The following HSBP1L1 variants were observed in gnomAD, a reference collection of about 807,000 sequenced individuals.
HSBP1L1 encodes the protein heat shock factor-binding protein 1-like protein 1.
A neutral mutation model predicts 9.7 loss-of-function variants in HSBP1L1; 8 were observed. That is an observed-to-expected ratio of 0.82 (90% CI 0.48 to 1.48). The LOEUF is 1.48. Among genes scored for constraint, HSBP1L1 ranks in the 40% most tolerant of loss-of-function variants. The pLI is 0.00. For synonymous variants in HSBP1L1, 39 were observed against 34.4 expected (o/e 1.13, Z -0.46); for missense variants, 106 against 95.8 (o/e 1.11, Z -0.44).
chr18:79,969,676 T>C (rs1237643786), intron 3 of HSBP1L1, among the ~76,000 whole-genome samples: 1 of 152,186 alleles, frequency 6.6e-6, no homozygotes, highest in Non-Finnish European at 1.5e-5. Context: ...CACACTGGCA[T>C]CATAACCTTC....
chr18:79,966,237 CATG>C (rs967632532), intron 1 of HSBP1L1, among the ~76,000 whole-genome samples: 71 of 151,886 alleles, frequency 4.7e-4, no homozygotes, highest in African/African-American at 1.6e-3. Context: ...GGCCTTATCC[CATG>C]ATATTTAAAA....
chr18:79,969,391 G>GAA (rs755308930), intron 3 of HSBP1L1, among the ~76,000 whole-genome samples: 3 of 92,970 alleles, frequency 3.2e-5, no homozygotes, highest in African/African-American at 8.2e-5. Context: ...AAGAAAGAAA[G>GAA]AAAAAAAAAC....
intron 1 of HSBP1L1, among the ~76,000 whole-genome samples, chr18:79,965,558 T>G (rs2051252629): frequency 2.0e-5 from 3 of 152,114 alleles, no homozygotes; most frequent in Admixed American, 2.0e-4. Flanking sequence ...CCGTGAATGG[T>G]GTGGGACGTC....
chr18:79,968,715 C>T (rs76978304), intron 3 of HSBP1L1, among the ~76,000 whole-genome samples: 16,841 of 151,920 alleles, frequency 0.11, 1,155 homozygotes, highest in East Asian at 0.27. Context: ...GTGATCCACC[C>T]GCCTCGGCCT....
chr18:79,969,392 A>AAAG (rs1555716377), intron 3 of HSBP1L1, among the ~76,000 whole-genome samples: 3 of 70,386 alleles, frequency 4.3e-5, no homozygotes, highest in Non-Finnish European at 9.3e-5. Context: ...AGAAAGAAAG[A>AAAG]AAAAAAAACG....
chr18:79,970,598 C>T lies in HSBP1L1; in HGVS notation c.*147C>T, dbSNP rs558429060. 5.5e-4 allele frequency: 350 copies of T among 636,084 alleles called. No individual in the cohort carries two copies. Among genetic ancestry groups the T allele is most frequent in the African/African-American group, 5.5e-3 (302 of 55,180 alleles). 39.4% of individuals were successfully genotyped at this position (636,084 alleles called of 1,614,324 possible). A position where few individuals can be genotyped will look rare whatever the true frequency, so the allele number is the denominator to read the frequency against. On this transcript the variant is annotated 3_prime_UTR_variant, in exon 4 of 4. Transcript: ENST00000451882. Reference sequence around the variant, plus strand: ...GCCTGCTCTCCCCTCCGTGCCTGCACCAGAGAAGGAGGCCATCGGCAAGCC... The same window carrying T: ...GCCTGCTCTCCCCTCCGTGCCTGCATCAGAGAAGGAGGCCATCGGCAAGCC...
rs900517063 is a variant in HSBP1L1 at position 79,964,785 on chromosome 18, CGGT to C, written c.51+1_51+3del. On this transcript the variant is annotated splice_donor_variant and coding_sequence_variant, in exon 1 of 4. Transcript: ENST00000451882. LOFTEE classifies it high-confidence loss of function. ...CCCGGCGGGCGCGCGCTGCGGGACG[CGGT>C]GAGCCCCTCCCCGACTCCTGCTTCT... 5 of 1,396,766 alleles carry C rather than the reference CGGT, an allele frequency of 3.6e-6. No individual in the cohort carries two copies. The African/African-American group carries it at 6.1e-5, about 17-fold the overall frequency. The allele number at this position is 1,396,766 out of a possible 1,614,324, so 86.5% of individuals were successfully genotyped here.
In HSBP1L1 at chr18:79,969,609, C is replaced by T. The variant is rs370606621; in HGVS notation, c.214-831C>T. 3.0e-4 allele frequency among the ~76,000 whole-genome samples: 46 copies of T among 152,296 alleles called. 1 individual carries two copies. The South Asian group carries it at 5.0e-3, about 16-fold the overall frequency. ...GACTGAAGTCCTCATCCCTTCTCTG[C>T]GTGCGCTCAGAGCAGAGGCAGTCTT... On this transcript the variant is annotated intron_variant, in intron 3 of 3. Coordinates refer to ENST00000451882, the MANE Select transcript of HSBP1L1 (RefSeq NM_001136180.2).
chr18:79,969,489 G>GA (rs1170805701), intron 3 of HSBP1L1, among the ~76,000 whole-genome samples: 1 of 152,224 alleles, frequency 6.6e-6, no homozygotes, highest in African/African-American at 2.4e-5. Flanking sequence ...CTCCAGGTCA[G>GA]AAAGCTGGTG....
chr18:79,967,516 A>AT (rs1228139573), intron 2 of HSBP1L1: 2 of 152,288 alleles, frequency 1.3e-5, no homozygotes, highest in African/African-American at 4.8e-5. Flanking sequence ...ACAATTAAAT[A>AT]TATTCCTTAA....
At position 79,970,736 on chromosome 18, in the gene HSBP1L1, TTTTGTTATGGCAG is replaced by T. The variant is rs2051292612; in HGVS notation, c.*287_*299del. On this transcript the variant is annotated 3_prime_UTR_variant, in exon 4 of 4. Transcript: ENST00000451882. ...TGTTTAAACCACCCAATCTGAAGTA[TTTTGTTATGGCAG>T]TCCTGGGCAGACTAATACAATATGC... The T allele has an allele frequency of 2.3e-6, 1 of 431,556 alleles. No individual in the cohort carries two copies. The highest frequency in any genetic ancestry group is 4.3e-6 in the Non-Finnish European group (1 of 235,128). 26.7% of individuals were successfully genotyped at this position (431,556 alleles called of 1,614,324 possible).
chr18:79,968,015 GTC>G (rs2051266078), intron 2 of HSBP1L1, 72 bp from the exon 3 acceptor site: 1 of 830,808 alleles, frequency 1.2e-6, no homozygotes, highest in African/African-American at 1.7e-5. Context: ...GGGAGGCGGA[GTC>G]TCTGAGGACA....
intron 3 of HSBP1L1, chr18:79,970,214 G>A: frequency 2.1e-6 from 1 of 483,762 alleles, no homozygotes; most frequent in Non-Finnish European, 3.8e-6. Flanking sequence ...TACCTGGTAA[G>A]TGGTTGTAAG....
intron 3 of HSBP1L1, among the ~76,000 whole-genome samples, chr18:79,968,516 G>C (rs1017141184): frequency 6.6e-6 from 1 of 152,134 alleles, no homozygotes; most frequent in African/African-American, 2.4e-5. Flanking sequence ...AGTACAGACG[G>C]GGTTTCACTA....
intron 3 of HSBP1L1, among the ~76,000 whole-genome samples, chr18:79,969,351 G>GAAAGAA (rs2051280012): frequency 4.3e-5 from 2 of 46,552 alleles, no homozygotes; most frequent in African/African-American, 6.1e-5. Flanking sequence ...AAGAAAGAAA[G>GAAAGAA]AAAGAAAGAA....
At chr18:79,970,386 A>G (rs1305031154) in intron 3 of HSBP1L1, 54 bp from the exon 4 acceptor site, 12 of 718,292 alleles carry the variant, frequency 1.7e-5, no homozygotes. Flanking sequence ...GGGTGAACAT[A>G]CTTAATACAC....
rs150885188 is a variant in HSBP1L1 at position 79,968,046 on chromosome 18, G to A, written c.119-43G>A. 3.6e-4 allele frequency: 459 copies of A among 1,274,918 alleles called. 2 individuals are homozygous for A. The African/African-American group carries it at 5.6e-3, about 16-fold the overall frequency. The allele number at this position is 1,274,918 out of a possible 1,614,324, so 79.0% of individuals were successfully genotyped here. A position where few individuals can be genotyped will look rare whatever the true frequency, so the allele number is the denominator to read the frequency against. On this transcript the variant is annotated intron_variant, in intron 2 of 3. Coordinates refer to ENST00000451882, the MANE Select transcript of HSBP1L1 (RefSeq NM_001136180.2). ...GAGGACATCCTGGCTGTGCCTCGGCGGCTCTGGACTCCAGCTCTACGCAGA... is the reference window on the plus strand; with the variant it reads ...GAGGACATCCTGGCTGTGCCTCGGCAGCTCTGGACTCCAGCTCTACGCAGA...
chr18:79,970,113 C>T lies in HSBP1L1; in HGVS notation c.214-327C>T, dbSNP rs538021477. The T allele has an allele frequency of 7.7e-4, 204 of 263,562 alleles. 2 individuals carry two copies. In the South Asian group the frequency reaches 0.011, roughly 15 times the overall value. The allele number at this position is 263,562 out of a possible 1,614,324, so 16.3% of individuals were successfully genotyped here. Reference sequence around the variant, plus strand: ...CCACAGACGAGGCAAGGCTTGGCAGCCATGCAGGCCTAGGTTTCAAATTCT... The same window carrying T: ...CCACAGACGAGGCAAGGCTTGGCAGTCATGCAGGCCTAGGTTTCAAATTCT... On this transcript the variant is annotated intron_variant, in intron 3 of 3. Transcript: ENST00000451882.
chr18:79,966,287 TGATCCCAG>T (rs1292786800), intron 1 of HSBP1L1, among the ~76,000 whole-genome samples: 42 of 152,206 alleles, frequency 2.8e-4, no homozygotes, highest in African/African-American at 1.0e-3. Flanking sequence ...CTCATGCCTG[TGATCCCAG>T]CACTTTGGGA....
Sources: gnomAD v4.1 joint callset for allele counts (sites outside exome capture counted in the v4.1 genomes callset) on GRCh38, gnomAD v4.1.1 for gene constraint, MANE v1.5 for transcripts, NCBI Gene and HGNC (gene_info 2026-07-23, HGNC 2026-07-21) for gene names.